The following RASIP1 variants were observed in gnomAD, a reference collection of about 807,000 sequenced individuals.
The protein encoded by RASIP1 is ras-interacting protein 1.
Under a neutral mutation model 85.3 loss-of-function variants are expected in RASIP1, and 20 were observed. The ratio of observed to expected loss-of-function variants is 0.23; its 90% CI spans 0.17 to 0.34. The LOEUF is 0.34. Among genes scored for constraint, RASIP1 ranks in the 10% least tolerant of loss-of-function variants. RASIP1 has a pLI of 1.00. For synonymous variants in RASIP1, 617 were observed against 647.1 expected (o/e 0.95, Z 0.71); for missense variants, 1,170 against 1,390.9 (o/e 0.84, Z 2.53).
chr19:48,733,235 G>C (rs751030657), intron 4 of RASIP1, among the ~76,000 whole-genome samples: 21 of 152,264 alleles, frequency 1.4e-4, no homozygotes, highest in Non-Finnish European at 2.2e-4. Flanking sequence ...CTGTTGCCCA[G>C]GCTGGTCCCA....
At position 48,720,815 on chromosome 19, in the gene RASIP1, C is replaced by A. The variant is rs2033214225; in HGVS notation, c.2875G>T (p.Val959Leu). The A allele has an allele frequency of 6.2e-7, 1 of 1,614,046 alleles. No homozygotes were observed. Among genetic ancestry groups the A allele is most frequent in the Non-Finnish European group, 8.5e-7 (1 of 1,179,984 alleles). ...ATTGGTTCTCAAGGAGACGTGGCCACGGGAGGCCCATGGCGATAATTGGCT... is the reference window on the plus strand; with the variant it reads ...ATTGGTTCTCAAGGAGACGTGGCCAAGGGAGGCCCATGGCGATAATTGGCT... ...LPANYRHGPPVATSP is the reference protein window; with the variant it reads ...LPANYRHGPPLATSP Residue 959 changes from valine (V) to leucine (L), a missense_variant, in exon 12 of 12, where the codon GTG (valine) becomes TTG (leucine). Transcript: ENST00000222145.
At chr19:48,735,856 C>T (rs965111985) in intron 3 of RASIP1, among the ~76,000 whole-genome samples, 4 of 151,454 alleles carry the variant, frequency 2.6e-5, no homozygotes, top group Non-Finnish European at 4.4e-5. Context: ...AGTGCAGTGG[C>T]ACGATCTCGG....
intron 3 of RASIP1, among the ~76,000 whole-genome samples, chr19:48,736,041 C>G (rs570810570): frequency 6.6e-6 from 1 of 151,688 alleles, no homozygotes; most frequent in East Asian, 2.0e-4. Context: ...GAACTCCTGA[C>G]CTTGTGATCC....
chr19:48,734,678 G>C lies in RASIP1; in HGVS notation c.1179+518C>G, dbSNP rs138527903. On this transcript the variant is annotated intron_variant, in intron 4 of 11. Transcript: ENST00000222145. Reference sequence around the variant, plus strand: ...AATTTTGTATTTTTAGTACATACAGGGTTTCTCCATGTTGGTCAGGTTGGT... The same window carrying C: ...AATTTTGTATTTTTAGTACATACAGCGTTTCTCCATGTTGGTCAGGTTGGT... Among the ~76,000 whole-genome samples, 1,511 of 152,116 alleles carry C rather than the reference G, an allele frequency of 9.9e-3. 21 individuals carry two copies. The highest frequency in any genetic ancestry group is 0.034 in the African/African-American group (1,399 of 41,496).
At chr19:48,721,041 T>A (rs1434104078) in intron 11 of RASIP1, 44 bp from the exon 12 acceptor site, 1 of 1,477,084 alleles carries the variant, frequency 6.8e-7, no homozygotes, top group African/African-American at 1.4e-5. Flanking sequence ...AAAGTGGGAG[T>A]GAGGTAGTTG....
At chr19:48,722,804 T>C (rs1484421685) in intron 10 of RASIP1, among the ~76,000 whole-genome samples, 1 of 152,176 alleles carries the variant, frequency 6.6e-6, no homozygotes, top group East Asian at 1.9e-4. Flanking sequence ...AACTATCTAA[T>C]AGAGTTGGTA....
At chr19:48,725,214 A>T in intron 8 of RASIP1, 1 of 443,630 alleles carries the variant, frequency 2.3e-6, no homozygotes. Context: ...CAGCTCAAGG[A>T]GGACAAAGGA....
chr19:48,728,820 C>T, intron 5 of RASIP1, 117 bp downstream of exon 5: 1 of 1,109,582 alleles, frequency 9.0e-7, no homozygotes, highest in Non-Finnish European at 1.2e-6. Flanking sequence ...CTTCCCGAGG[C>T]GTCATGGGAA....
intron 8 of RASIP1, among the ~76,000 whole-genome samples, chr19:48,725,878 T>C (rs1375045129): frequency 1.3e-5 from 2 of 152,134 alleles, no homozygotes; most frequent in Admixed American, 1.3e-4. Context: ...TACCAAGTAG[T>C]GAGGTCAGCC....
intron 6 of RASIP1, 90 bp downstream of exon 6, chr19:48,727,303 C>T: frequency 6.4e-7 from 1 of 1,551,100 alleles, no homozygotes; most frequent in Admixed American, 1.8e-5. Context: ...CAGAAACTTG[C>T]ACTGGGGCAT....
chr19:48,728,885 A>G, intron 5 of RASIP1, 52 bp downstream of exon 5: 1 of 1,395,620 alleles, frequency 7.2e-7, no homozygotes, highest in Non-Finnish European at 9.3e-7. Context: ...GGGAGGCTGG[A>G]GAAGGGACTT....
At position 48,740,122 on chromosome 19, in the gene RASIP1, G is replaced by C. The variant is rs199758308; in HGVS notation, c.137+24C>G. On this transcript the variant is annotated intron_variant, in intron 2 of 11. Coordinates refer to ENST00000222145, the MANE Select transcript of RASIP1 (RefSeq NM_017805.3). This position sits in a 1 kb window ranked among gnomAD's most constrained non-coding sequence, Gnocchi z 5.5. ...ATGGGAAGCAGGTGTGCAGGGGCAG[G>C]AGTCCTGCAGAGATGGCACTCACTT... is the stretch of plus-strand genomic sequence containing the variant. The C allele has an allele frequency of 9.5e-5, 148 of 1,557,978 alleles. No homozygotes were observed. In the African/African-American group the frequency reaches 1.5e-3, roughly 16 times the overall value.
At position 48,740,580 on chromosome 19, in the gene RASIP1, T is replaced by C. The variant is rs556882303; in HGVS notation, c.-64A>G. The stretch of plus-strand genomic sequence containing the variant: ...CTCCACTGGCCTGGGTCAGTTCCAC[T>C]GCTCTTGCCTCTGCCACGGCTCCCA... On this transcript the variant is annotated 5_prime_UTR_variant, in exon 1 of 12. Transcript: ENST00000222145. The surrounding 1 kb of genome is among the most constrained non-coding windows in gnomAD (Gnocchi z 5.5). 86 of 1,384,266 alleles carry C rather than the reference T, an allele frequency of 6.2e-5. 2 individuals carry two copies. Among genetic ancestry groups the C allele is most frequent in the Admixed American group, 1.6e-4 (5 of 31,940 alleles). 85.7% of individuals were successfully genotyped at this position (1,384,266 alleles called of 1,614,324 possible).
At chr19:48,733,215 C>T (rs1408616470) in intron 4 of RASIP1, among the ~76,000 whole-genome samples, 3 of 152,056 alleles carry the variant, frequency 2.0e-5, no homozygotes, top group African/African-American at 7.2e-5. Context: ...TTTGTAGAGA[C>T]AAGATTTCAC....
chr19:48,729,318 C>T lies in RASIP1; in HGVS notation c.1452G>A (p.Leu484=), dbSNP rs2033402782. The change falls in exon 5 of 12, where the codon CTG becomes CTA. Residue 484 remains leucine, a synonymous_variant. Transcript: ENST00000222145. ...CAGTGCGGGGGTCCTTGTACATGAA[C>T]AGGAAGTGCTCGCCCAGCCCCAGGA... ...GDLLGLGEHF[L]FMYKDPRTGG... The T allele has an allele frequency of 1.9e-6, 3 of 1,559,624 alleles. No individual in the cohort carries two copies. The highest frequency in any genetic ancestry group is 2.6e-6 in the Non-Finnish European group (3 of 1,152,632).
At position 48,735,388 on chromosome 19, in the gene RASIP1, C is replaced by A; in HGVS notation, c.987G>T (p.Glu329Asp). Residue 329 changes from glutamate (E) to aspartate (D), a missense_variant, in exon 4 of 12, where the codon GAG becomes GAT. Transcript: ENST00000222145. ...ENLSLRRSVS[E>D]LSLQGRRRRQ... ...GCCGCCGCCGCCCCTGAAGGCTAAG[C>A]TCCGACACGCTGCGCCGCAAAGACA... is the stretch of plus-strand genomic sequence containing the variant. 6.2e-7 allele frequency: 1 copy of A among 1,613,212 alleles called. No individual in the cohort carries two copies.
At chr19:48,721,309 A>T (rs542423673) in intron 11 of RASIP1, among the ~76,000 whole-genome samples, 1 of 151,328 alleles carries the variant, frequency 6.6e-6, no homozygotes, top group Non-Finnish European at 1.5e-5. Context: ...CGAGACCTGG[A>T]CTCCTAGGGG....
Position 48,724,686 on chromosome 19 carries a change from G to T in RASIP1, c.2371+31C>A. The T allele has an allele frequency of 6.2e-7, 1 of 1,612,610 alleles. No individual in the cohort carries two copies. Among genetic ancestry groups the T allele is most frequent in the Non-Finnish European group, 8.5e-7 (1 of 1,179,084 alleles). On this transcript the variant is annotated intron_variant, in intron 9 of 11. Coordinates refer to ENST00000222145, the MANE Select transcript of RASIP1 (RefSeq NM_017805.3). This position sits in a 1 kb window ranked among gnomAD's most constrained non-coding sequence, Gnocchi z 4.6. Reference sequence around the variant, plus strand: ...CTGAGTCTCAGTGGCTCCTGTCTTTGCCTCCCTGACAGCTCCCAGCCAACC... The same window carrying T: ...CTGAGTCTCAGTGGCTCCTGTCTTTTCCTCCCTGACAGCTCCCAGCCAACC...
chr19:48,725,682 T>A (rs1195807340), intron 8 of RASIP1: 1 of 152,146 alleles, frequency 6.6e-6, no homozygotes, highest in Non-Finnish European at 1.5e-5. Context: ...CTGTAGGAAG[T>A]GAGGTCAGCA....
Sources: allele counts gnomAD v4.1 joint callset (sites outside exome capture counted in the v4.1 genomes callset), GRCh38; gene constraint gnomAD v4.1.1; non-coding constraint Gnocchi (gnomAD v3.1); transcripts MANE v1.5; gene names NCBI Gene and HGNC (gene_info 2026-07-23, HGNC 2026-07-21).